NKAIN2: variants seen among roughly 807,000 people sequenced by gnomAD.
NKAIN2 encodes the protein sodium/potassium transporting ATPase interacting 2, also known as sodium/potassium-transporting ATPase subunit beta-1-interacting protein 2.
In NKAIN2, 14 loss-of-function variants were observed where a neutral mutation model predicts 32.6. That is an observed-to-expected ratio of 0.43 (90% confidence interval 0.28 to 0.67). The LOEUF (loss-of-function observed/expected upper bound fraction) is 0.67. Ranked by LOEUF, NKAIN2 falls within the 30% of genes least tolerant of loss-of-function variation. The pLI, the probability that NKAIN2 is intolerant of heterozygous loss-of-function variation, is 0.17. For synonymous variants in NKAIN2, 80 were observed against 87.2 expected (o/e 0.92, Z 0.46); for missense variants, 198 against 258.3 (o/e 0.77, Z 1.60).
chr6:124,770,105 G>C lies in NKAIN2; in HGVS notation c.475-21234G>C, dbSNP rs9491232. ...GCTTCAATAGGGGTTAGAGAAAATA[G>C]AGTACATATTTGCTTTAACAGGAGA... On this transcript the variant is annotated intron_variant, in intron 4 of 6. Transcript: ENST00000368417. 4.0e-3 allele frequency among the ~76,000 whole-genome samples: 602 copies of C among 152,240 alleles called. 5 individuals are homozygous for C. The highest frequency in any genetic ancestry group is 0.013 in the African/African-American group (559 of 41,542).
chr6:124,553,893 G>A (rs767752441), intron 3 of NKAIN2, among the ~76,000 whole-genome samples: 11 of 152,064 alleles, frequency 7.2e-5, no homozygotes, highest in Non-Finnish European at 1.6e-4. Flanking sequence ...TTAATCACCC[G>A]AAGCCCATCT....
chr6:124,699,212 T>A lies in NKAIN2; in HGVS notation c.474+40826T>A, dbSNP rs548330007. On this transcript the variant is annotated intron_variant, in intron 4 of 6. Coordinates refer to ENST00000368417, the MANE Select transcript of NKAIN2 (RefSeq NM_001040214.3). ...GATGTCTGGGCCTGAGGGGAAGTCA[T>A]GTGGACTGAGCATTCAAGGTGGCTC... Among the ~76,000 whole-genome samples, 4 of 152,264 alleles carry A rather than the reference T, an allele frequency of 2.6e-5. No individual in the cohort carries two copies. The East Asian group carries it at 7.7e-4, about 29-fold the overall frequency.
chr6:124,583,645 A>G (rs766345647), intron 3 of NKAIN2, among the ~76,000 whole-genome samples: 1 of 152,210 alleles, frequency 6.6e-6, no homozygotes, highest in African/African-American at 2.4e-5. Flanking sequence ...ATCAGCAGAC[A>G]TATGGTATAT....
chr6:124,238,410 G>T (rs1054826689), intron 1 of NKAIN2, among the ~76,000 whole-genome samples: 2 of 152,152 alleles, frequency 1.3e-5, no homozygotes, highest in Admixed American at 1.3e-4. Flanking sequence ...AGACAAGTAG[G>T]AAATGTGGGA....
chr6:124,348,960 C>T (rs140732716), intron 2 of NKAIN2, among the ~76,000 whole-genome samples: 2,290 of 152,224 alleles, frequency 0.015, 33 homozygotes, highest in Non-Finnish European at 0.023. Context: ...ACACCTGGCT[C>T]GGAGGGTCCT....
intron 1 of NKAIN2, among the ~76,000 whole-genome samples, chr6:123,859,213 C>T (rs533090372): frequency 1.3e-5 from 2 of 152,056 alleles, no homozygotes; most frequent in Non-Finnish European, 2.9e-5. Flanking sequence ...TTAGAATTCA[C>T]TGATGCTGTG....
intron 2 of NKAIN2, among the ~76,000 whole-genome samples, chr6:124,285,252 G>C (rs939654519): frequency 5.3e-5 from 8 of 152,100 alleles, no homozygotes; most frequent in Admixed American, 3.9e-4. Context: ...AACTCAGCAA[G>C]TCCTGGGTTA....
chr6:124,004,887 C>A (rs1780013849), intron 1 of NKAIN2, among the ~76,000 whole-genome samples: 2 of 128,090 alleles, frequency 1.6e-5, no homozygotes, highest in Admixed American at 7.9e-5. Flanking sequence ...ATAATAACAA[C>A]AAAAAAAGAA....
Position 124,546,931 on chromosome 6 carries a change from A to G in NKAIN2, c.274-111255A>G, listed in dbSNP as rs560321134. ...ACATGTTCTCAGCATCACAGTCCTG[A>G]TACGTTGAGCACTAAAGTTTCTGAA... On this transcript the variant is annotated intron_variant, in intron 3 of 6. Coordinates refer to ENST00000368417, the MANE Select transcript of NKAIN2 (RefSeq NM_001040214.3). Among the ~76,000 whole-genome samples, 4 of 152,320 alleles carry G rather than the reference A, an allele frequency of 2.6e-5. No individual in the cohort carries two copies. In the South Asian group the frequency reaches 8.3e-4, roughly 32 times the overall value.
intron 3 of NKAIN2, among the ~76,000 whole-genome samples, chr6:124,405,792 A>G (rs1407594595): frequency 6.6e-6 from 1 of 152,214 alleles, no homozygotes; most frequent in Non-Finnish European, 1.5e-5. Context: ...CTTAAAGTTT[A>G]ATACATTTTG....
intron 1 of NKAIN2, among the ~76,000 whole-genome samples, chr6:123,909,422 G>A (rs6569370): frequency 0.057 from 8,700 of 152,118 alleles, 801 homozygotes; most frequent in African/African-American, 0.19. Context: ...ATATCCTTGA[G>A]AGAGGCTACA....
At chr6:123,853,070 A>G (rs184908301) in intron 1 of NKAIN2, among the ~76,000 whole-genome samples, 20 of 152,334 alleles carry the variant, frequency 1.3e-4, no homozygotes, top group African/African-American at 4.1e-4. Context: ...TATGATTCAG[A>G]GTCCTCATGT....
At chr6:124,519,364 C>A (rs1418556632) in intron 3 of NKAIN2, among the ~76,000 whole-genome samples, 2 of 152,012 alleles carry the variant, frequency 1.3e-5, no homozygotes, top group East Asian at 3.9e-4. Context: ...TGAGGATTGA[C>A]CATGAATTGA....
In NKAIN2 at chr6:124,823,556, C is replaced by T. The variant is rs1211572414; in HGVS notation, c.*327C>T. On this transcript the variant is annotated 3_prime_UTR_variant, in exon 7 of 7. Transcript: ENST00000368417. Reference sequence around the variant, plus strand: ...AGATGTGTTGATGCCCAACGGTTGCCGGCCATTGCTAACTCCTCTGCAGCC... The same window carrying T: ...AGATGTGTTGATGCCCAACGGTTGCTGGCCATTGCTAACTCCTCTGCAGCC... 5 of 286,630 alleles carry T rather than the reference C, an allele frequency of 1.7e-5. No individual in the cohort carries two copies. Among genetic ancestry groups the T allele is most frequent in the South Asian group, 1.5e-4 (2 of 13,586 alleles). 17.8% of individuals were successfully genotyped at this position (286,630 alleles called of 1,614,324 possible).
chr6:124,700,147 G>T (rs568305745), intron 4 of NKAIN2, among the ~76,000 whole-genome samples: 2 of 152,092 alleles, frequency 1.3e-5, no homozygotes, highest in East Asian at 3.9e-4. Flanking sequence ...CTAATATTCA[G>T]AACAACCTGC....
chr6:123,897,917 A>G (rs1001290471), intron 1 of NKAIN2, among the ~76,000 whole-genome samples: 7 of 152,334 alleles, frequency 4.6e-5, no homozygotes, highest in African/African-American at 1.7e-4. Context: ...TATTTTGTGA[A>G]GAGCTTTCAC....
intron 1 of NKAIN2, among the ~76,000 whole-genome samples, chr6:124,036,437 G>A (rs1781607357): frequency 6.6e-6 from 1 of 152,004 alleles, no homozygotes; most frequent in East Asian, 1.9e-4. Flanking sequence ...TTATGGTCTA[G>A]TCAAAATATT....
At chr6:124,034,154 G>T (rs868042941) in intron 1 of NKAIN2, among the ~76,000 whole-genome samples, 1 of 151,888 alleles carries the variant, frequency 6.6e-6, no homozygotes, top group African/African-American at 2.4e-5. Flanking sequence ...TTAGATTTAG[G>T]GGGTACATGC....
At chr6:123,836,775 A>G (rs1156240484) in intron 1 of NKAIN2, among the ~76,000 whole-genome samples, 1 of 152,178 alleles carries the variant, frequency 6.6e-6, no homozygotes, top group Non-Finnish European at 1.5e-5. Flanking sequence ...AAATGTTAAC[A>G]TTAGGGGAAG....
Sources: gnomAD v4.1 joint callset for allele counts (sites outside exome capture counted in the v4.1 genomes callset) on GRCh38, gnomAD v4.1.1 for gene constraint, MANE v1.5 for transcripts, NCBI Gene and HGNC (gene_info 2026-07-23, HGNC 2026-07-21) for gene names.